ST6GALNAC3: variants seen among roughly 807,000 people sequenced by gnomAD.
The protein encoded by ST6GALNAC3 is alpha-N-acetylgalactosaminide alpha-2,6-sialyltransferase 3.
ST6GALNAC3 carries 25 observed loss-of-function variants against 32.7 expected under a neutral mutation model. The observed-to-expected ratio is 0.76, with a 90% CI of 0.56 to 1.07. The LOEUF (loss-of-function observed/expected upper bound fraction) is 1.07, where lower values mean the gene tolerates loss of function less well. ST6GALNAC3 is among the 50% of genes least tolerant of loss of function. The pLI, the probability that ST6GALNAC3 is intolerant of heterozygous loss-of-function variation, is 0.00. For synonymous variants in ST6GALNAC3, 129 were observed against 133.1 expected, an observed-to-expected ratio of 0.97 and a Z score of 0.21; for missense variants, 355 against 382.4, an observed-to-expected ratio of 0.93 and a Z score of 0.60.
At chr1:76,598,686 T>C (rs969044558) in intron 3 of ST6GALNAC3, among the ~76,000 whole-genome samples, 2 of 151,888 alleles carry the variant, frequency 1.3e-5, no homozygotes, top group Non-Finnish European at 2.9e-5. Context: ...ATGTGCCTTG[T>C]AGACAAGCAC....
intron 3 of ST6GALNAC3, among the ~76,000 whole-genome samples, chr1:76,478,568 G>A (rs1478767555): frequency 6.6e-6 from 1 of 152,026 alleles, no homozygotes; most frequent in African/African-American, 2.4e-5. Context: ...TAGAGGCCCA[G>A]TATTTCTAAC....
intron 2 of ST6GALNAC3, among the ~76,000 whole-genome samples, chr1:76,406,769 G>A (rs1653864111): frequency 6.6e-6 from 1 of 151,828 alleles, no homozygotes; most frequent in African/African-American, 2.4e-5. Flanking sequence ...GCTGCTGTGA[G>A]TGCATTTCCT....
At chr1:76,616,759 A>G (rs1648318942) in intron 3 of ST6GALNAC3, among the ~76,000 whole-genome samples, 1 of 152,106 alleles carries the variant, frequency 6.6e-6, no homozygotes, top group Non-Finnish European at 1.5e-5. Context: ...AAAAATTAAT[A>G]GATGGGGTTG....
At chr1:76,422,032 T>C (rs2101380402) in intron 3 of ST6GALNAC3, among the ~76,000 whole-genome samples, 1 of 152,108 alleles carries the variant, frequency 6.6e-6, no homozygotes, top group Admixed American at 6.6e-5. Flanking sequence ...CATTACCTTC[T>C]AACATTCTAT....
At chr1:76,597,543 G>A (rs1480945944) in intron 3 of ST6GALNAC3, among the ~76,000 whole-genome samples, 1 of 151,892 alleles carries the variant, frequency 6.6e-6, no homozygotes, top group African/African-American at 2.4e-5. Context: ...ACTTTATCTA[G>A]AGACTCTTTG....
chr1:76,152,848 T>A (rs1346959246), intron 1 of ST6GALNAC3, among the ~76,000 whole-genome samples: 3 of 152,234 alleles, frequency 2.0e-5, no homozygotes, highest in African/African-American at 7.2e-5. Flanking sequence ...ACATTTTCCT[T>A]AATTCTTAGA....
chr1:76,248,088 CT>C (rs1008177817), intron 1 of ST6GALNAC3, among the ~76,000 whole-genome samples: 4 of 152,130 alleles, frequency 2.6e-5, no homozygotes, highest in African/African-American at 9.7e-5. Context: ...CTTGCATTTC[CT>C]GGGTGAAGTG....
chr1:76,186,655 G>C (rs555880560), intron 1 of ST6GALNAC3, among the ~76,000 whole-genome samples: 1 of 152,214 alleles, frequency 6.6e-6, no homozygotes, highest in Non-Finnish European at 1.5e-5. Flanking sequence ...ACCAGGGAGG[G>C]CTGGAGACTG....
At chr1:76,209,622 G>A (rs981208833) in intron 1 of ST6GALNAC3, among the ~76,000 whole-genome samples, 1 of 152,188 alleles carries the variant, frequency 6.6e-6, no homozygotes, top group Admixed American at 6.5e-5. Flanking sequence ...TAGCTTACTC[G>A]ACGGGAATCT....
intron 1 of ST6GALNAC3, among the ~76,000 whole-genome samples, chr1:76,174,658 CTTTTCTTTTTTTT>C (rs1424491604): frequency 1.6e-4 from 15 of 93,258 alleles, no homozygotes; most frequent in South Asian, 5.0e-4. Context: ...TTTTCTTTTT[CTTTTCTTTTTTTT>C]TTTTCTTTTT....
intron 2 of ST6GALNAC3, among the ~76,000 whole-genome samples, chr1:76,398,252 T>C (rs1653135772): frequency 1.3e-5 from 2 of 152,204 alleles, no homozygotes; most frequent in African/African-American, 2.4e-5. Flanking sequence ...TTATAACCTT[T>C]ACTATTTAAT....
chr1:76,628,064 C>G (rs1284861306), intron 4 of ST6GALNAC3, among the ~76,000 whole-genome samples: 1 of 151,918 alleles, frequency 6.6e-6, no homozygotes, highest in Non-Finnish European at 1.5e-5. Flanking sequence ...TGTTTACCCA[C>G]AGTATATCCT....
intron 3 of ST6GALNAC3, among the ~76,000 whole-genome samples, chr1:76,531,498 A>ACCCC (rs1663253987): frequency 6.6e-6 from 1 of 152,202 alleles, no homozygotes; most frequent in African/African-American, 2.4e-5. Context: ...TGTATGACAA[A>ACCCC]GCTGCCACGT....
At chr1:76,172,381 A>G (rs1052012262) in intron 1 of ST6GALNAC3, among the ~76,000 whole-genome samples, 25 of 152,332 alleles carry the variant, frequency 1.6e-4, no homozygotes, top group Middle Eastern at 3.4e-3. Context: ...AGACAATATC[A>G]TATTGAATGG....
intron 2 of ST6GALNAC3, among the ~76,000 whole-genome samples, chr1:76,410,150 G>A (rs1272345298): frequency 1.3e-5 from 2 of 152,074 alleles, no homozygotes; most frequent in African/African-American, 2.4e-5. Flanking sequence ...CTTCAATGGC[G>A]CTTCATCTCA....
chr1:76,369,964 A>T (rs1214781411), intron 2 of ST6GALNAC3, among the ~76,000 whole-genome samples: 4 of 152,200 alleles, frequency 2.6e-5, no homozygotes, highest in African/African-American at 9.6e-5. Flanking sequence ...CTTATTCACT[A>T]AGTGTTTTTC....
downstream of ST6GALNAC3, among the ~76,000 whole-genome samples, chr1:76,635,993 G>A (rs1649495773): frequency 6.6e-6 from 1 of 152,146 alleles, no homozygotes; most frequent in Non-Finnish European, 1.5e-5. Flanking sequence ...TGACATAATA[G>A]CTGAAAAAGA....
At chr1:76,156,123 A>T (rs1651401745) in intron 1 of ST6GALNAC3, among the ~76,000 whole-genome samples, 1 of 151,608 alleles carries the variant, frequency 6.6e-6, no homozygotes, top group Admixed American at 6.6e-5. Context: ...TAATAATTAG[A>T]CTGGGGTTAT....
intron 1 of ST6GALNAC3, among the ~76,000 whole-genome samples, chr1:76,181,242 G>A (rs975097745): frequency 3.9e-5 from 6 of 152,190 alleles, no homozygotes; most frequent in African/African-American, 1.2e-4. Flanking sequence ...TATTGATAGA[G>A]CTTTAAGACT....
Sources: allele counts gnomAD v4.1 joint callset (sites outside exome capture counted in the v4.1 genomes callset), GRCh38; gene constraint gnomAD v4.1.1; transcripts MANE v1.5; gene names NCBI Gene and HGNC (gene_info 2026-07-23, HGNC 2026-07-21).